CALN1: variants seen among roughly 807,000 people sequenced by gnomAD.
CALN1 encodes calneuron 1.
CALN1 carries 17 observed loss-of-function variants against 30.6 expected under a neutral mutation model. The observed-to-expected ratio is 0.56, with a 90% CI of 0.38 to 0.83. CALN1 has a LOEUF of 0.83. Among genes scored for constraint, CALN1 ranks in the 40% least tolerant of loss-of-function variants. The pLI is 0.00. For missense variants in CALN1, 291 were observed against 354.9 expected, an observed-to-expected ratio of 0.82 and a Z score of 1.45; for synonymous variants, 156 against 131.4, an observed-to-expected ratio of 1.19 and a Z score of -1.28.
intron 3 of CALN1, among the ~76,000 whole-genome samples, chr7:72,264,788 A>T (rs1796501957): frequency 6.6e-6 from 1 of 152,068 alleles, no homozygotes; most frequent in Non-Finnish European, 1.5e-5. Flanking sequence ...CCAGGTATTA[A>T]TCCTAGTACC....
At chr7:72,380,944 A>G (rs1804863541) in intron 2 of CALN1, among the ~76,000 whole-genome samples, 1 of 152,226 alleles carries the variant, frequency 6.6e-6, no homozygotes, top group Non-Finnish European at 1.5e-5. Flanking sequence ...AGATCACTGC[A>G]AAGAGAGCAC....
chr7:72,129,034 CCAA>C (rs1808962744), intron 3 of CALN1, among the ~76,000 whole-genome samples: 1 of 152,028 alleles, frequency 6.6e-6, no homozygotes, highest in Non-Finnish European at 1.5e-5. Context: ...AGAACAAAGG[CCAA>C]CAAGCCAAAA....
At chr7:72,041,710 C>T (rs1200810898) in intron 4 of CALN1, among the ~76,000 whole-genome samples, 2 of 152,068 alleles carry the variant, frequency 1.3e-5, no homozygotes, top group South Asian at 2.1e-4. Flanking sequence ...TTGTAGCTCC[C>T]GTAATTCCCA....
At chr7:72,189,298 C>A (rs938511377) in intron 3 of CALN1, among the ~76,000 whole-genome samples, 17 of 152,156 alleles carry the variant, frequency 1.1e-4, no homozygotes, top group Admixed American at 5.2e-4. Context: ...AAAGTAATAT[C>A]CGTGTATTGT....
intron 4 of CALN1, among the ~76,000 whole-genome samples, chr7:72,102,237 G>C (rs1179573354): frequency 6.6e-6 from 1 of 152,096 alleles, no homozygotes; most frequent in East Asian, 1.9e-4. Context: ...TTGAGCTCAG[G>C]AGTTCGAGAC....
the CALN1 span, among the ~76,000 whole-genome samples, chr7:72,485,086 C>A: frequency 6.6e-6 from 1 of 151,642 alleles, no homozygotes; most frequent in Non-Finnish European, 1.5e-5. Flanking sequence ...ACTAAAAATA[C>A]AAAAAAAAAT....
chr7:72,072,556 G>C (rs1804470616), intron 4 of CALN1, among the ~76,000 whole-genome samples: 1 of 152,144 alleles, frequency 6.6e-6, no homozygotes, highest in African/African-American at 2.4e-5. Flanking sequence ...ACAGTAACTT[G>C]AAGCGATATG....
At chr7:72,155,769 G>T (rs1230638683) in intron 3 of CALN1, among the ~76,000 whole-genome samples, 1 of 152,180 alleles carries the variant, frequency 6.6e-6, no homozygotes, top group African/African-American at 2.4e-5. Flanking sequence ...AGCTCTGGAT[G>T]TCAGAGGTCC....
intron 5 of CALN1, among the ~76,000 whole-genome samples, chr7:71,867,626 G>A (rs1334962152): frequency 6.6e-6 from 1 of 152,072 alleles, no homozygotes; most frequent in Non-Finnish European, 1.5e-5. Flanking sequence ...GTAGAGACGA[G>A]GTTTCACCAT....
chr7:72,499,153 C>T, the CALN1 span, among the ~76,000 whole-genome samples: 6 of 152,214 alleles, frequency 3.9e-5, no homozygotes, highest in Non-Finnish European at 8.8e-5. Flanking sequence ...ACCTCAGCCT[C>T]CCTAGTAGCT....
the CALN1 span, among the ~76,000 whole-genome samples, chr7:72,487,910 GAAA>G: frequency 4.2e-5 from 3 of 70,726 alleles, no homozygotes; most frequent in African/African-American, 2.0e-4. Flanking sequence ...AAGAAAGAAA[GAAA>G]GAAAGAAGGA....
intron 4 of CALN1, among the ~76,000 whole-genome samples, chr7:72,037,884 G>A (rs182412308): frequency 3.3e-5 from 5 of 152,320 alleles, no homozygotes; most frequent in Admixed American, 1.3e-4. Context: ...TCCTTGTAGA[G>A]GCAATTGCTT....
intron 3 of CALN1, among the ~76,000 whole-genome samples, chr7:72,112,067 A>G (rs965852832): frequency 6.6e-6 from 1 of 152,108 alleles, no homozygotes; most frequent in African/African-American, 2.4e-5. Flanking sequence ...TTTCTTAAAA[A>G]AAAGTCTGCA....
chr7:72,012,631 T>A (rs1052519515), intron 5 of CALN1, among the ~76,000 whole-genome samples: 2 of 152,242 alleles, frequency 1.3e-5, no homozygotes, highest in Non-Finnish European at 2.9e-5. Flanking sequence ...AAGGCTGGTA[T>A]GTGGAGAGCA....
intron 2 of CALN1, among the ~76,000 whole-genome samples, chr7:72,380,880 G>A (rs753991750): frequency 7.2e-5 from 11 of 152,108 alleles, no homozygotes; most frequent in Non-Finnish European, 1.3e-4. Context: ...AAACCATGTC[G>A]ATGGGGTCAC....
At chr7:72,333,964 T>C (rs567153368) in intron 2 of CALN1, among the ~76,000 whole-genome samples, 1 of 152,306 alleles carries the variant, frequency 6.6e-6, no homozygotes, top group Admixed American at 6.5e-5. Context: ...ATACTTTTCC[T>C]AAGGAAGCAA....
At chr7:72,250,609 G>C (rs10253308) in intron 3 of CALN1, among the ~76,000 whole-genome samples, 8 of 152,068 alleles carry the variant, frequency 5.3e-5, no homozygotes, top group African/African-American at 1.7e-4. Flanking sequence ...GTCATGGGGC[G>C]GATCCCTCAT....
chr7:72,504,221 G>A, the CALN1 span, among the ~76,000 whole-genome samples: 3 of 152,106 alleles, frequency 2.0e-5, no homozygotes, highest in African/African-American at 7.2e-5. Context: ...TAAATCCCAT[G>A]TGTCTTTCAT....
intron 4 of CALN1, among the ~76,000 whole-genome samples, chr7:72,041,292 C>A (rs1802109314): frequency 1.3e-5 from 2 of 152,114 alleles, no homozygotes; most frequent in African/African-American, 4.8e-5. Flanking sequence ...AGGATGAAGA[C>A]TGAGAAAGGG....
Sources: allele counts gnomAD v4.1 joint callset (sites outside exome capture counted in the v4.1 genomes callset), GRCh38; gene constraint gnomAD v4.1.1; transcripts MANE v1.5; gene names NCBI Gene and HGNC (gene_info 2026-07-23, HGNC 2026-07-21).